Variants in DRC11 observed in about 807,000 individuals in gnomAD.
DRC11 encodes IQ and AAA domain-containing protein 1.
chr2:236,412,994 A>C, the DRC11 span: 1 of 151,860 alleles, frequency 6.6e-6, no homozygotes, highest in African/African-American at 2.4e-5. Flanking sequence ...GGAGATGGGG[A>C]GATGTGGGCA....
At chr2:236,392,334 T>C in the DRC11 span, 1 of 1,588,436 alleles carries the variant, frequency 6.3e-7, no homozygotes, top group South Asian at 1.1e-5. This position sits in a 1 kb window ranked among gnomAD's most constrained non-coding sequence, Gnocchi z 5.1. Context: ...AAGACTCATC[T>C]TTTTTCATCC....
At chr2:236,484,781 T>C in the DRC11 span, among the ~76,000 whole-genome samples, 111 of 152,318 alleles carry the variant, frequency 7.3e-4, no homozygotes, top group African/African-American at 2.6e-3. Flanking sequence ...CTGGGTCTCT[T>C]TTCTTTCGTT....
the DRC11 span, among the ~76,000 whole-genome samples, chr2:236,453,354 G>A: frequency 6.6e-6 from 1 of 152,208 alleles, no homozygotes; most frequent in Non-Finnish European, 1.5e-5. The surrounding 1 kb of genome is among the most constrained non-coding windows in gnomAD (Gnocchi z 4.9). Context: ...ATTTGATCAA[G>A]TGCTAAATGA....
the DRC11 span, among the ~76,000 whole-genome samples, chr2:236,440,279 C>T: frequency 3.4e-4 from 52 of 152,224 alleles, no homozygotes; most frequent in South Asian, 1.5e-3. Flanking sequence ...ATGTTAATAG[C>T]GCAGGGCTTT....
chr2:236,429,206 A>G, the DRC11 span, among the ~76,000 whole-genome samples: 1 of 152,198 alleles, frequency 6.6e-6, no homozygotes, highest in Non-Finnish European at 1.5e-5. This position sits in a 1 kb window ranked among gnomAD's most constrained non-coding sequence, Gnocchi z 5.9. Context: ...GGGAGCGTTC[A>G]GTCTTGCCAT....
the DRC11 span, among the ~76,000 whole-genome samples, chr2:236,442,180 T>C: frequency 6.6e-6 from 1 of 152,220 alleles, no homozygotes; most frequent in Non-Finnish European, 1.5e-5. Context: ...AAGCTCATTA[T>C]ATGTTAACAT....
the DRC11 span, chr2:236,408,149 C>A: frequency 1.4e-6 from 1 of 691,676 alleles, no homozygotes; most frequent in Non-Finnish European, 2.7e-6. The surrounding 1 kb of genome is among the most constrained non-coding windows in gnomAD (Gnocchi z 5.5). Flanking sequence ...TCAGGAAGGT[C>A]ATGGTCAGTG....
chr2:236,387,328 T>C, the DRC11 span, among the ~76,000 whole-genome samples: 2 of 152,074 alleles, frequency 1.3e-5, no homozygotes, highest in African/African-American at 4.8e-5. Flanking sequence ...CAGGACTTGC[T>C]TTATGAATCT....
chr2:236,469,825 A>G, the DRC11 span, among the ~76,000 whole-genome samples: 207 of 152,372 alleles, frequency 1.4e-3, 6 homozygotes, highest in East Asian at 0.03. This position sits in a 1 kb window ranked among gnomAD's most constrained non-coding sequence, Gnocchi z 5.8. Context: ...CAACTCATTT[A>G]AAAATAAATT....
At chr2:236,390,487 T>A in the DRC11 span, among the ~76,000 whole-genome samples, 1 of 152,216 alleles carries the variant, frequency 6.6e-6, no homozygotes, top group Non-Finnish European at 1.5e-5. This position sits in a 1 kb window ranked among gnomAD's most constrained non-coding sequence, Gnocchi z 5.9. Context: ...GGTAAGGACT[T>A]ACTTTTGCCA....
At chr2:236,356,969 T>A in the DRC11 span, among the ~76,000 whole-genome samples, 1,333 of 88,930 alleles carry the variant, frequency 0.015, 93 homozygotes, top group African/African-American at 0.057. Flanking sequence ...AATATATATA[T>A]TATATATTCA....
the DRC11 span, among the ~76,000 whole-genome samples, chr2:236,372,003 CAGAT>C: frequency 6.6e-6 from 1 of 152,202 alleles, no homozygotes; most frequent in Non-Finnish European, 1.5e-5. The surrounding 1 kb of genome is among the most constrained non-coding windows in gnomAD (Gnocchi z 4.5). Context: ...TCAATATTCT[CAGAT>C]AGACAGTGTG....
At chr2:236,344,330 C>G in the DRC11 span, among the ~76,000 whole-genome samples, 5 of 152,218 alleles carry the variant, frequency 3.3e-5, no homozygotes, top group South Asian at 2.1e-4. Flanking sequence ...GAAAATCCCT[C>G]TCCCCTTTCT....
chr2:236,490,896 AAT>A, the DRC11 span, among the ~76,000 whole-genome samples: 1 of 147,552 alleles, frequency 6.8e-6, no homozygotes, highest in Middle Eastern at 3.4e-3. The surrounding 1 kb of genome is among the most constrained non-coding windows in gnomAD (Gnocchi z 5.5). Context: ...TCCCAAGAAG[AAT>A]ATATTGTGTG....
the DRC11 span, among the ~76,000 whole-genome samples, chr2:236,450,425 T>G: frequency 6.6e-6 from 1 of 151,292 alleles, no homozygotes; most frequent in Non-Finnish European, 1.5e-5. Context: ...GTTCAAGTGA[T>G]TCTCGTGGGT....
the DRC11 span, among the ~76,000 whole-genome samples, chr2:236,328,533 T>C: frequency 6.6e-6 from 1 of 152,066 alleles, no homozygotes; most frequent in African/African-American, 2.4e-5. This position sits in a 1 kb window ranked among gnomAD's most constrained non-coding sequence, Gnocchi z 6.7. Context: ...ATTCTGTCTC[T>C]CATGGGCCTC....
chr2:236,363,996 C>T, the DRC11 span: 20 of 1,607,074 alleles, frequency 1.2e-5, no homozygotes, highest in South Asian at 2.2e-5. This position sits in a 1 kb window ranked among gnomAD's most constrained non-coding sequence, Gnocchi z 5.6. Flanking sequence ...AAGGCAGAGG[C>T]AAAGGTGCTA....
At chr2:236,465,435 C>T in the DRC11 span, 9 of 1,342,768 alleles carry the variant, frequency 6.7e-6, no homozygotes, top group South Asian at 1.1e-4. The surrounding 1 kb of genome is among the most constrained non-coding windows in gnomAD (Gnocchi z 6.2). Flanking sequence ...TGCTTCTGTG[C>T]TTAAAAACAT....
chr2:236,355,325 G>A, the DRC11 span, among the ~76,000 whole-genome samples: 1 of 152,230 alleles, frequency 6.6e-6, no homozygotes, highest in African/African-American at 2.4e-5. Flanking sequence ...GTGGGAGCAG[G>A]CTATGTGGGC....
Sources: allele counts gnomAD v4.1 joint callset (sites outside exome capture counted in the v4.1 genomes callset), GRCh38; gene constraint gnomAD v4.1.1; non-coding constraint Gnocchi (gnomAD v3.1); transcripts MANE v1.5; gene names NCBI Gene and HGNC (gene_info 2026-07-23, HGNC 2026-07-21).